Variants in CPEB4 observed in about 807,000 individuals in gnomAD.
The protein encoded by CPEB4 is cytoplasmic polyadenylation element-binding protein 4.
In CPEB4, 12 loss-of-function variants were observed where a neutral mutation model predicts 72.5. The observed-to-expected ratio is 0.17, with a 90% confidence interval of 0.11 to 0.27. The LOEUF is 0.27. CPEB4 is among the 10% of genes least tolerant of loss of function. CPEB4 has a pLI of 1.00. For synonymous variants in CPEB4, 302 were observed against 326.3 expected (o/e 0.93, Z 0.80); for missense variants, 614 against 908.5 (o/e 0.68, Z 4.17).
At chr5:173,908,684 AAAAT>A (rs1434500624) in intron 1 of CPEB4, among the ~76,000 whole-genome samples, 1 of 152,216 alleles carries the variant, frequency 6.6e-6, no homozygotes, top group East Asian at 1.9e-4. Context: ...AAAAAAATAA[AAAAT>A]AAAAATGCTC....
intron 5 of CPEB4, among the ~76,000 whole-genome samples, chr5:173,946,296 G>C (rs917015614): frequency 2.0e-5 from 3 of 152,170 alleles, no homozygotes; most frequent in Admixed American, 6.5e-5. Context: ...ATAGCTTGAA[G>C]AATATTGTGT....
chr5:173,910,836 A>G (rs534379281), intron 2 of CPEB4: 2 of 452,490 alleles, frequency 4.4e-6, no homozygotes, highest in Admixed American at 4.0e-5. Flanking sequence ...CTAATTGCCA[A>G]GAATGGGCAA....
At chr5:173,949,855 TC>T in intron 6 of CPEB4, 104 bp from the exon 7 acceptor site, 1 of 842,228 alleles carries the variant, frequency 1.2e-6, no homozygotes, top group Non-Finnish European at 2.0e-6. Context: ...TTAATTTTTT[TC>T]CTATTCCTTT....
rs1221656407 is a variant in CPEB4, at chr5:173,900,262, T to G, written c.1125+9404T>G. Among the ~76,000 whole-genome samples, 1 of 151,712 alleles carries G rather than the reference T, an allele frequency of 6.6e-6. No homozygotes were observed. Among genetic ancestry groups the G allele is most frequent in the African/African-American group, 2.4e-5 (1 of 41,304 alleles). ...CTCTACTAAAAATACAAAATTAGCC[T>G]GGTGTGGTGGCGGGCGCCTGTAGTC... is the stretch of plus-strand genomic sequence containing the variant. On this transcript the variant is annotated intron_variant, in intron 1 of 9. Transcript: ENST00000265085. This position sits in a 1 kb window ranked among gnomAD's most constrained non-coding sequence, Gnocchi z 4.4.
chr5:173,912,528 T>C (rs112299234), intron 2 of CPEB4, among the ~76,000 whole-genome samples: 35,817 of 151,600 alleles, frequency 0.24, 5,161 homozygotes, highest in Non-Finnish European at 0.31. Flanking sequence ...CCCAGGAGTT[T>C]GAGACCAGCC....
chr5:173,941,821 T>C (rs1757855843), intron 3 of CPEB4, among the ~76,000 whole-genome samples: 1 of 152,210 alleles, frequency 6.6e-6, no homozygotes, highest in Admixed American at 6.5e-5. Context: ...GAGGCCGCAG[T>C]GAGCTGAGAT....
intron 5 of CPEB4, among the ~76,000 whole-genome samples, chr5:173,946,000 A>G (rs1262210255): frequency 6.6e-6 from 1 of 152,220 alleles, no homozygotes; most frequent in Non-Finnish European, 1.5e-5. Context: ...ACACTAAATC[A>G]CATTATGGAG....
Position 173,955,855 on chromosome 5 carries a change from G to A in CPEB4, c.1963-55G>A, listed in dbSNP as rs1758361252. 6 of 1,386,632 alleles carry A rather than the reference G, an allele frequency of 4.3e-6. No individual in the cohort carries two copies. The highest frequency in any genetic ancestry group is 6.1e-6 in the Non-Finnish European group (6 of 989,056). The allele number at this position is 1,386,632 out of a possible 1,614,324, so 85.9% of individuals were successfully genotyped here. A position where few individuals can be genotyped will look rare whatever the true frequency, so the allele number is the denominator to read the frequency against. On this transcript the variant is annotated intron_variant, in intron 9 of 9. Coordinates refer to ENST00000265085, the MANE Select transcript of CPEB4 (RefSeq NM_030627.4). The surrounding 1 kb of genome is among the most constrained non-coding windows in gnomAD (Gnocchi z 4.7). ...TAGTGGGTGGAAATGTACATGTATGGTAAGCATTGCTGGCCTAGTCACTGA... is the reference window on the plus strand; with the variant it reads ...TAGTGGGTGGAAATGTACATGTATGATAAGCATTGCTGGCCTAGTCACTGA...
At chr5:173,905,013 T>TA (rs1756380822) in intron 1 of CPEB4, among the ~76,000 whole-genome samples, 1 of 99,932 alleles carries the variant, frequency 1.0e-5, no homozygotes, top group Admixed American at 9.8e-5. Flanking sequence ...ATAATAATAA[T>TA]AATAAAAAAA....
intron 5 of CPEB4, among the ~76,000 whole-genome samples, chr5:173,946,945 A>G (rs56163845): frequency 0.22 from 33,718 of 151,816 alleles, 4,963 homozygotes; most frequent in Non-Finnish European, 0.31. Context: ...TACCATGCGC[A>G]TGTTAACCTT....
intron 3 of CPEB4, among the ~76,000 whole-genome samples, chr5:173,942,724 A>G (rs1561628709): frequency 6.6e-6 from 1 of 152,220 alleles, no homozygotes; most frequent in Non-Finnish European, 1.5e-5. Flanking sequence ...ATTATGTTGT[A>G]TACTGCCTTA....
rs1756612571 is a variant in CPEB4 at position 173,910,463 on chromosome 5, G to T, written c.1126-60G>T. On this transcript the variant is annotated intron_variant, in intron 1 of 9. Coordinates refer to ENST00000265085, the MANE Select transcript of CPEB4 (RefSeq NM_030627.4). ...TGTGTCCCATCTAATGAAACTTACT[G>T]TCCTCTTTTATATTTAAATGCTATT... The T allele has an allele frequency of 6.0e-6, 7 of 1,171,150 alleles. No homozygotes were observed. The South Asian group carries it at 7.5e-5, about 13-fold the overall frequency. The allele number at this position is 1,171,150 out of a possible 1,614,324, so 72.5% of individuals were successfully genotyped here.
intron 2 of CPEB4, among the ~76,000 whole-genome samples, chr5:173,921,542 C>T (rs1171678168): frequency 6.6e-6 from 1 of 152,114 alleles, no homozygotes; most frequent in Non-Finnish European, 1.5e-5. Flanking sequence ...CATCTTTATT[C>T]CTTTGTAGCA....
chr5:173,917,684 C>A (rs1756921775), intron 2 of CPEB4, among the ~76,000 whole-genome samples: 1 of 152,204 alleles, frequency 6.6e-6, no homozygotes, highest in South Asian at 2.1e-4. Flanking sequence ...CAAGATCAAG[C>A]CATTGCACTC....
Position 173,888,547 on chromosome 5 carries a change from G to A in CPEB4, c.-1187G>A, listed in dbSNP as rs1042710235. 2 of 403,376 alleles carry A rather than the reference G, an allele frequency of 5.0e-6. No homozygotes were observed. Among genetic ancestry groups the A allele is most frequent in the African/African-American group, 4.1e-5 (2 of 48,656 alleles). The allele number at this position is 403,376 out of a possible 1,614,324, so 25.0% of individuals were successfully genotyped here. A position where few individuals can be genotyped will look rare whatever the true frequency, so the allele number is the denominator to read the frequency against. ...GGGACCAGGGTAAAGCGGCGACGGC[G>A]GCGACGGCCCAGCAACCGTGAGGAG... On this transcript the variant is annotated 5_prime_UTR_variant, in exon 1 of 10. Transcript: ENST00000265085. This position sits in a 1 kb window ranked among gnomAD's most constrained non-coding sequence, Gnocchi z 4.3.
chr5:173,924,357 C>G lies in CPEB4; in HGVS notation c.1208-8093C>G, dbSNP rs574277076. On this transcript the variant is annotated intron_variant, in intron 2 of 9. Transcript: ENST00000265085. ...AAGGGGTTAGGTTTTGTTCTTTTCT[C>G]TCTTCCTGAGAAGACTTATATCCCT... Among the ~76,000 whole-genome samples, 10 of 152,284 alleles carry G rather than the reference C, an allele frequency of 6.6e-5. No homozygotes were observed. In the East Asian group the frequency reaches 1.4e-3, roughly 21 times the overall value.
chr5:173,935,903 G>T (rs1010833088), intron 3 of CPEB4, among the ~76,000 whole-genome samples: 1 of 152,116 alleles, frequency 6.6e-6, no homozygotes, highest in Non-Finnish European at 1.5e-5. Flanking sequence ...TGCCCTGCTC[G>T]ATCATCAATT....
chr5:173,949,479 A>C, intron 5 of CPEB4, 29 bp from the exon 6 acceptor site: 2 of 1,464,744 alleles, frequency 1.4e-6, no homozygotes, highest in Non-Finnish European at 1.9e-6. Flanking sequence ...AAATATTTAA[A>C]TCTACTGTTT....
chr5:173,951,710 G>T, intron 7 of CPEB4, 114 bp from the exon 8 acceptor site: 1 of 654,450 alleles, frequency 1.5e-6, no homozygotes, highest in South Asian at 1.8e-5. Context: ...CAGCTTTATT[G>T]ACTTGTAATC....
Sources: gnomAD v4.1 joint callset for allele counts (sites outside exome capture counted in the v4.1 genomes callset) on GRCh38, gnomAD v4.1.1 for gene constraint, Gnocchi (gnomAD v3.1) non-coding constraint, MANE v1.5 for transcripts, NCBI Gene and HGNC (gene_info 2026-07-23, HGNC 2026-07-21) for gene names.